The following PDPK1 variants were observed in gnomAD, a reference collection of about 807,000 sequenced individuals.
PDPK1 encodes 3-phosphoinositide-dependent protein kinase 1.
In PDPK1, 7 loss-of-function variants were observed where a neutral mutation model predicts 39.8. That is an observed-to-expected ratio of 0.18 (90% CI 0.10 to 0.33). The LOEUF (loss-of-function observed/expected upper bound fraction) is 0.33. PDPK1 is among the 10% of genes least tolerant of loss of function. The pLI is 1.00. For synonymous variants in PDPK1, 118 were observed against 159.1 expected, an observed-to-expected ratio of 0.74 and a Z score of 1.95; for missense variants, 182 against 384.7, an observed-to-expected ratio of 0.47 and a Z score of 4.41.
At chr16:2,546,958 G>A (rs2066360825) in intron 1 of PDPK1, among the ~76,000 whole-genome samples, 3 of 150,576 alleles carry the variant, frequency 2.0e-5, no homozygotes, top group African/African-American at 2.5e-5. Flanking sequence ...AGAGCTCTCC[G>A]ACCTCGGTGG....
rs1189030075 is a variant in PDPK1 at position 2,598,542 on chromosome 16, G to A, written c.*775G>A. ...CTCTGGGGCTGGAAGCCGAGCGCAT[G>A]CTGGGAGCGGTACTGTCAGAAGTGA... On this transcript the variant is annotated 3_prime_UTR_variant, in exon 14 of 14. Transcript: ENST00000342085. The A allele has an allele frequency of 4.3e-6, 1 of 233,390 alleles. No individual in the cohort carries two copies. The highest frequency in any genetic ancestry group is 8.5e-6 in the Non-Finnish European group (1 of 118,238). 14.5% of individuals were successfully genotyped at this position (233,390 alleles called of 1,614,324 possible). A position where few individuals can be genotyped will look rare whatever the true frequency, so the allele number is the denominator to read the frequency against.
chr16:2,597,535 G>T lies in PDPK1; in HGVS notation c.1555-116G>T. 2 of 796,952 alleles carry T rather than the reference G, an allele frequency of 2.5e-6. No individual in the cohort carries two copies. Among genetic ancestry groups the T allele is most frequent in the Admixed American group, 1.8e-5 (1 of 55,226 alleles). 49.4% of individuals were successfully genotyped at this position (796,952 alleles called of 1,614,324 possible). On this transcript the variant is annotated intron_variant, in intron 13 of 13. Coordinates refer to ENST00000342085, the MANE Select transcript of PDPK1 (RefSeq NM_002613.5). This position sits in a 1 kb window ranked among gnomAD's most constrained non-coding sequence, Gnocchi z 6.3. ...TTGCTTACTGCTTGTGTGAATAACC[G>T]TCACACCCACGTGCTTTCAGGACTC...
Position 2,586,780 on chromosome 16 carries a change from C to G in PDPK1, c.1230C>G (p.Ser410Arg). ...CGGGCCTGCCCCAGAGGTCAGGCAG[C>G]AACATAGAGCAGTACATTCACGATC... Reference protein sequence around the residue: ...SDTGLPQRSGSNIEQYIHDLD... With the variant: ...SDTGLPQRSGRNIEQYIHDLD... Residue 410 changes from serine to arginine, a missense_variant, in exon 11 of 14, where the codon AGC becomes AGG. By Grantham distance (110) the Ser-to-Arg change is moderately radical. Coordinates refer to ENST00000342085, the MANE Select transcript of PDPK1 (RefSeq NM_002613.5). 1 of 1,614,222 alleles carries G rather than the reference C, an allele frequency of 6.2e-7. No homozygotes were observed. The highest frequency in any genetic ancestry group is 2.2e-5 in the East Asian group (1 of 44,890).
At chr16:2,579,346 A>G (rs2066775543) in intron 7 of PDPK1, 1 of 89,920 alleles carries the variant, frequency 1.1e-5, no homozygotes, top group Non-Finnish European at 2.2e-5. Flanking sequence ...GCCACCTAAG[A>G]GCTAGCGTTT....
intron 1 of PDPK1, among the ~76,000 whole-genome samples, chr16:2,539,958 A>G (rs189391054): frequency 6.6e-6 from 1 of 152,350 alleles, no homozygotes; most frequent in African/African-American, 2.4e-5. Context: ...ACTGGAATCC[A>G]GTGAGCAAGA....
intron 1 of PDPK1, among the ~76,000 whole-genome samples, chr16:2,540,617 T>C (rs1159717427): frequency 1.3e-5 from 2 of 152,156 alleles, no homozygotes; most frequent in African/African-American, 4.8e-5. Flanking sequence ...CATGCCGTGC[T>C]GGAGGTAGGA....
chr16:2,596,485 C>T (rs1312675516), intron 12 of PDPK1, among the ~76,000 whole-genome samples: 1 of 152,188 alleles, frequency 6.6e-6, no homozygotes, highest in Admixed American at 6.5e-5. Flanking sequence ...TGAGCCACGG[C>T]GCCCGGCCGG....
At position 2,600,144 on chromosome 16, in the gene PDPK1, A is replaced by AG. The variant is rs1415683521; in HGVS notation, c.*2378dup. 4.3e-5 allele frequency: 10 copies of AG among 233,118 alleles called. No homozygotes were observed. The East Asian group carries it at 6.0e-4, about 14-fold the overall frequency. 14.4% of individuals were successfully genotyped at this position (233,118 alleles called of 1,614,324 possible). A position where few individuals can be genotyped will look rare whatever the true frequency, so the allele number is the denominator to read the frequency against. ...CTCCGGTTTTCTCTACCACATCCTT[A>AG]GAGCCATCACCTGGCACGCAGGCGC... is the stretch of plus-strand genomic sequence containing the variant. On this transcript the variant is annotated 3_prime_UTR_variant, in exon 14 of 14. Coordinates refer to ENST00000342085, the MANE Select transcript of PDPK1 (RefSeq NM_002613.5).
rs969132480 is a variant in PDPK1, at chr16:2,597,260, T to C, written c.1539T>C (p.Thr513=). Residue 513 remains threonine, a synonymous_variant, in exon 13 of 14, where the codon ACT becomes ACC. Transcript: ENST00000342085. This position sits in a 1 kb window ranked among gnomAD's most constrained non-coding sequence, Gnocchi z 6.3. ...ELRPEAKNFK[T]FFVHTPNRTY... ...GACCAGAGGCCAAGAATTTTAAAAC[T>C]TTCTTTGTCCACACGGTGAGTCTGT... 7 of 1,592,206 alleles carry C rather than the reference T, an allele frequency of 4.4e-6. No individual in the cohort carries two copies. The highest frequency in any genetic ancestry group is 6.0e-6 in the Non-Finnish European group (7 of 1,162,752).
Position 2,538,851 on chromosome 16 carries a change from C to T in PDPK1, c.24+715C>T, listed in dbSNP as rs1424258995. The T allele has an allele frequency of 4.3e-5, 43 of 1,002,974 alleles. No homozygotes were observed. The Admixed American group carries it at 1.1e-3, about 25-fold the overall frequency. The allele number at this position is 1,002,974 out of a possible 1,614,324, so 62.1% of individuals were successfully genotyped here. The stretch of plus-strand genomic sequence containing the variant: ...TTTGCTAAAAGTGTCGCTGGTGTTT[C>T]TATATTTTCTCTCTATCGCTAAAAG... On this transcript the variant is annotated intron_variant, in intron 1 of 13. Coordinates refer to ENST00000342085, the MANE Select transcript of PDPK1 (RefSeq NM_002613.5).
chr16:2,584,826 C>T (rs2066830115), intron 10 of PDPK1, among the ~76,000 whole-genome samples: 1 of 152,202 alleles, frequency 6.6e-6, no homozygotes, highest in African/African-American at 2.4e-5. Flanking sequence ...GAGTCTGTGC[C>T]GCTTGATGTG....
rs1312624185 is a variant in PDPK1, at chr16:2,593,139, T to C, written c.1344-2654T>C. The C allele has an allele frequency of 2.2e-6, 1 of 454,640 alleles. No homozygotes were observed. The highest frequency in any genetic ancestry group is 4.4e-6 in the Non-Finnish European group (1 of 226,822). 28.2% of individuals were successfully genotyped at this position (454,640 alleles called of 1,614,324 possible). A position where few individuals can be genotyped will look rare whatever the true frequency, so the allele number is the denominator to read the frequency against. ...AGGTGCCGAGCGGGAGCACCACTCC[T>C]GCACGCCCGTGCCTGTGGCATGCCC... On this transcript the variant is annotated intron_variant, in intron 11 of 13. Coordinates refer to ENST00000342085, the MANE Select transcript of PDPK1 (RefSeq NM_002613.5). This position sits in a 1 kb window ranked among gnomAD's most constrained non-coding sequence, Gnocchi z 4.2.
intron 10 of PDPK1, among the ~76,000 whole-genome samples, chr16:2,585,030 G>A (rs990144192): frequency 6.6e-6 from 1 of 152,112 alleles, no homozygotes; most frequent in Non-Finnish European, 1.5e-5. Flanking sequence ...CCGTTCTCCC[G>A]TGGGCTCTGT....
chr16:2,553,171 A>T lies in PDPK1; in HGVS notation c.25-4532A>T, dbSNP rs576850151. ...TCTCTTGTGAGGAGCTTTTTTTTTTAAAAAAAAAAAAGAAAAAAAAAGAAA... is the reference window on the plus strand; with the variant it reads ...TCTCTTGTGAGGAGCTTTTTTTTTTTAAAAAAAAAAAGAAAAAAAAAGAAA... On this transcript the variant is annotated intron_variant, in intron 1 of 13. Coordinates refer to ENST00000342085, the MANE Select transcript of PDPK1 (RefSeq NM_002613.5). 8.4e-3 allele frequency among the ~76,000 whole-genome samples: 1,058 copies of T among 125,734 alleles called. 66 individuals are homozygous for T. Among genetic ancestry groups the T allele is most frequent in the Admixed American group, 0.06 (781 of 13,062 alleles). The allele number at this position is 125,734 out of a possible 152,430, so 82.5% of individuals were successfully genotyped here.
intron 1 of PDPK1, chr16:2,538,943 T>G: frequency 2.5e-6 from 1 of 404,816 alleles, no homozygotes; most frequent in South Asian, 2.1e-5. Flanking sequence ...GTTTAAAAAT[T>G]TATGCCTTGT....
chr16:2,545,687 G>GT (rs1479188435), intron 1 of PDPK1, among the ~76,000 whole-genome samples: 1 of 152,130 alleles, frequency 6.6e-6, no homozygotes, highest in Non-Finnish European at 1.5e-5. Flanking sequence ...TAGAGACGGC[G>GT]TTTTACCATC....
chr16:2,587,029 G>C (rs2066891434), intron 11 of PDPK1, 136 bp downstream of exon 11: 1 of 768,112 alleles, frequency 1.3e-6, no homozygotes, highest in Admixed American at 2.1e-5. Flanking sequence ...CACATCGTAA[G>C]TGCACAGTTG....
chr16:2,538,023 T>G lies in PDPK1; in HGVS notation c.-90T>G. 3 of 510,270 alleles carry G rather than the reference T, an allele frequency of 5.9e-6. No individual in the cohort carries two copies. Among genetic ancestry groups the G allele is most frequent in the Non-Finnish European group, 7.6e-6 (3 of 394,538 alleles). 31.6% of individuals were successfully genotyped at this position (510,270 alleles called of 1,614,324 possible). A position where few individuals can be genotyped will look rare whatever the true frequency, so the allele number is the denominator to read the frequency against. ...GCGGGCGCAGGATGAGGGCGGCCAT[T>G]GCTGGGGCTCCGCTTCGGGGAGGAG... is the stretch of plus-strand genomic sequence containing the variant. On this transcript the variant is annotated 5_prime_UTR_variant, in exon 1 of 14. The change creates a new upstream start codon in the 5' untranslated region. Transcript: ENST00000342085.
intron 2 of PDPK1, among the ~76,000 whole-genome samples, chr16:2,560,387 A>G (rs1204742949): frequency 1.4e-5 from 2 of 148,144 alleles, no homozygotes; most frequent in South Asian, 4.2e-4. Flanking sequence ...AGAGCCATCC[A>G]TGCGTGGCGT....
Sources: allele counts gnomAD v4.1 joint callset (sites outside exome capture counted in the v4.1 genomes callset), GRCh38; gene constraint gnomAD v4.1.1; non-coding constraint Gnocchi (gnomAD v3.1); transcripts MANE v1.5; gene names NCBI Gene and HGNC (gene_info 2026-07-23, HGNC 2026-07-21).